MAGI1: variants seen among roughly 807,000 people sequenced by gnomAD.
The protein encoded by MAGI1 is membrane associated guanylate kinase, WW and PDZ domain containing 1.
Under a neutral mutation model 139.9 loss-of-function variants are expected in MAGI1, and 58 were observed. That is an observed-to-expected ratio of 0.41 (90% CI 0.34 to 0.52). The LOEUF (loss-of-function observed/expected upper bound fraction) is 0.52. Among genes scored for constraint, MAGI1 ranks in the 20% least tolerant of loss-of-function variants. The pLI is 0.12. For synonymous variants in MAGI1, 812 were observed against 737.9 expected (o/e 1.10, Z -1.63); for missense variants, 1,874 against 1,901.6 (o/e 0.99, Z 0.27).
At chr3:65,775,963 CTAAT>C (rs1453770591) in intron 1 of MAGI1, among the ~76,000 whole-genome samples, 3 of 149,802 alleles carry the variant, frequency 2.0e-5, no homozygotes, top group Non-Finnish European at 4.4e-5. Flanking sequence ...AAAAAAGTTT[CTAAT>C]TATTCTTTGA....
chr3:65,419,273 T>C (rs1057410396), intron 12 of MAGI1, among the ~76,000 whole-genome samples: 2 of 131,990 alleles, frequency 1.5e-5, no homozygotes, highest in African/African-American at 3.0e-5. Flanking sequence ...ACAAATTGTA[T>C]TTCCCATTTT....
At chr3:65,534,888 G>T (rs1303812348) in intron 2 of MAGI1, among the ~76,000 whole-genome samples, 1 of 152,138 alleles carries the variant, frequency 6.6e-6, no homozygotes, top group East Asian at 1.9e-4. Flanking sequence ...AGCCTCTACG[G>T]GGTGAGTTTG....
rs1187286312 is a variant in MAGI1 at position 65,668,763 on chromosome 3, A to G, written c.314-46675T>C. Among the ~76,000 whole-genome samples, 8 of 151,586 alleles carry G rather than the reference A, an allele frequency of 5.3e-5. No homozygotes were observed. In the East Asian group the frequency reaches 1.6e-3, roughly 30 times the overall value. The stretch of plus-strand genomic sequence containing the variant: ...GAGACGGGGTTTCACCATCTTGGCC[A>G]GGTTGGTCTTGAACTCCTGACCTTG... On this transcript the variant is annotated intron_variant, in intron 1 of 22. Coordinates refer to ENST00000402939, the MANE Select transcript of MAGI1 (RefSeq NM_001033057.2).
At chr3:65,967,584 A>G (rs2064817925) in intron 1 of MAGI1, among the ~76,000 whole-genome samples, 1 of 152,240 alleles carries the variant, frequency 6.6e-6, no homozygotes, top group African/African-American at 2.4e-5. Context: ...GTCCTCTGCC[A>G]GCTAAGCTAG....
At chr3:65,548,511 CTTTTTTTTTTTTTTTTTTT>C (rs1170215972) in intron 2 of MAGI1, among the ~76,000 whole-genome samples, 1 of 87,386 alleles carries the variant, frequency 1.1e-5, no homozygotes, top group Non-Finnish European at 2.1e-5. Context: ...AAACAACACT[CTTTTTTTTTTTTTTTTTTT>C]TTTTTTTTTT....
Position 65,603,744 on chromosome 3 carries a change from GT to G in MAGI1, c.430+18227del, listed in dbSNP as rs544062904. Among the ~76,000 whole-genome samples, 5 of 152,318 alleles carry G rather than the reference GT, an allele frequency of 3.3e-5. No homozygotes were observed. In the South Asian group the frequency reaches 8.3e-4, roughly 25 times the overall value. ...TTATAAAGAACAGAAATGTATCATA[GT>G]TCTGGAGGCAGGGAATTCCAAGATC... is the stretch of plus-strand genomic sequence containing the variant. On this transcript the variant is annotated intron_variant, in intron 2 of 22. Transcript: ENST00000402939.
At chr3:65,531,897 G>A (rs1230508314) in intron 2 of MAGI1, among the ~76,000 whole-genome samples, 1 of 152,180 alleles carries the variant, frequency 6.6e-6, no homozygotes, top group African/African-American at 2.4e-5. Context: ...ACTTCTCATT[G>A]TAAGTTTTCA....
At position 65,944,881 on chromosome 3, in the gene MAGI1, A is replaced by G. The variant is rs953484903; in HGVS notation, c.313+93115T>C. Among the ~76,000 whole-genome samples the G allele has an allele frequency of 5.3e-5, 8 of 152,252 alleles. 1 individual carries two copies. ...AAAGAGAGTGTCAATTTTGTCCGAC[A>G]GCATTAAAATATAACAACCAGGCAA... On this transcript the variant is annotated intron_variant, in intron 1 of 22. Transcript: ENST00000402939.
At chr3:65,372,573 T>A (rs890772412) in intron 18 of MAGI1, among the ~76,000 whole-genome samples, 2 of 152,186 alleles carry the variant, frequency 1.3e-5, no homozygotes, top group African/African-American at 4.8e-5. Flanking sequence ...TTTGAAGCTT[T>A]GAAACTAGGC....
At chr3:65,883,164 A>C (rs1261129289) in intron 1 of MAGI1, among the ~76,000 whole-genome samples, 1 of 152,184 alleles carries the variant, frequency 6.6e-6, no homozygotes, top group Non-Finnish European at 1.5e-5. Context: ...ACAGCCACTC[A>C]AGTGAAGAGT....
chr3:65,607,273 C>T (rs918008572), intron 2 of MAGI1, among the ~76,000 whole-genome samples: 1 of 151,718 alleles, frequency 6.6e-6, no homozygotes, highest in Non-Finnish European at 1.5e-5. Flanking sequence ...AAATTCTTTT[C>T]TCCTGACTTT....
At chr3:65,384,550 C>T (rs1342176422) in intron 14 of MAGI1, among the ~76,000 whole-genome samples, 1 of 152,112 alleles carries the variant, frequency 6.6e-6, no homozygotes, top group Non-Finnish European at 1.5e-5. Flanking sequence ...GTCTGGGCAA[C>T]ATAGTGAGAC....
chr3:65,356,552 G>GACGTCTCGTCTCTTCT lies in MAGI1; in HGVS notation c.4214_4215insAGAAGAGACGAGACGT (p.Ser1406GlufsTer57). The GACGTCTCGTCTCTTCT allele has an allele frequency of 6.2e-7, 1 of 1,607,818 alleles. No individual in the cohort carries two copies. The highest frequency in any genetic ancestry group is 8.5e-7 in the Non-Finnish European group (1 of 1,179,296). The stretch of plus-strand genomic sequence containing the variant: ...ACCGCTCTCTCCTGCGCTCGGGGGA[G>GACGTCTCGTCTCTTCT]CGTGCGCGCCTCCGGTCGGTGGACT... On this transcript the variant is annotated frameshift_variant, in exon 23 of 23. Coordinates refer to ENST00000402939, the MANE Select transcript of MAGI1 (RefSeq NM_001033057.2). LOFTEE classifies it low-confidence loss of function (END_TRUNC).
At chr3:65,519,339 C>T (rs937271052) in intron 2 of MAGI1, among the ~76,000 whole-genome samples, 1 of 482 alleles carries the variant, frequency 2.1e-3, no homozygotes, top group Non-Finnish European at 0.012. Context: ...TGATCTGACA[C>T]ACACACACAC....
intron 1 of MAGI1, among the ~76,000 whole-genome samples, chr3:65,877,930 G>A (rs1228472518): frequency 2.0e-5 from 3 of 151,554 alleles, no homozygotes; most frequent in Admixed American, 6.6e-5. Context: ...AATATGGTGA[G>A]ACACTGTCTC....
At chr3:65,703,739 G>A (rs778068397) in intron 1 of MAGI1, among the ~76,000 whole-genome samples, 40 of 152,276 alleles carry the variant, frequency 2.6e-4, no homozygotes, top group African/African-American at 7.7e-4. Context: ...CCTCATTGAC[G>A]GGGATGCCTG....
At chr3:65,532,622 A>G (rs1026023316) in intron 2 of MAGI1, 4 of 152,306 alleles carry the variant, frequency 2.6e-5, no homozygotes, top group Non-Finnish European at 4.4e-5. Context: ...CCAAGCTTGG[A>G]GCGTGTGTTT....
intron 18 of MAGI1, among the ~76,000 whole-genome samples, chr3:65,369,180 A>T (rs996989699): frequency 1.3e-5 from 2 of 151,818 alleles, no homozygotes; most frequent in Non-Finnish European, 2.9e-5. Flanking sequence ...GAAGGTAAGG[A>T]CTCCCCCAAC....
intron 12 of MAGI1, among the ~76,000 whole-genome samples, chr3:65,403,653 T>C (rs1650861390): frequency 2.6e-5 from 4 of 152,202 alleles, no homozygotes; most frequent in Admixed American, 2.6e-4. Flanking sequence ...CCCAATGACC[T>C]ACATGAAAAT....
Sources: gnomAD v4.1 joint callset for allele counts (sites outside exome capture counted in the v4.1 genomes callset) on GRCh38, gnomAD v4.1.1 for gene constraint, MANE v1.5 for transcripts, NCBI Gene and HGNC (gene_info 2026-07-23, HGNC 2026-07-21) for gene names.